NAALADL2: variants seen among roughly 807,000 people sequenced by gnomAD.
NAALADL2 encodes the protein inactive N-acetylated-alpha-linked acidic dipeptidase-like protein 2.
NAALADL2 carries 76 observed loss-of-function variants against 87.2 expected under a neutral mutation model. That is an observed-to-expected ratio of 0.87 (90% confidence interval 0.72 to 1.05). The LOEUF (loss-of-function observed/expected upper bound fraction) is 1.05. Ranked by LOEUF, NAALADL2 falls within the 50% of genes least tolerant of loss-of-function variation. The pLI is 0.00. For missense variants in NAALADL2, 1,089 were observed against 945.8 expected (o/e 1.15, Z -1.99); for synonymous variants, 354 against 331.0 (o/e 1.07, Z -0.75).
rs911461985 is a variant in NAALADL2, at chr3:175,054,143, C to A, written c.44-42647C>A. Reference sequence around the variant, plus strand: ...ATAGGCATATTAAAAGCAGCCAATACCTCAATTACAGCTACAAGCTCCGCT... The same window carrying A: ...ATAGGCATATTAAAAGCAGCCAATAACTCAATTACAGCTACAAGCTCCGCT... On this transcript the variant is annotated intron_variant, in intron 1 of 13. Transcript: ENST00000454872. Among the ~76,000 whole-genome samples the A allele has an allele frequency of 2.6e-5, 4 of 152,328 alleles. No individual in the cohort carries two copies. In the South Asian group the frequency reaches 6.2e-4, roughly 24 times the overall value.
chr3:175,129,572 G>T (rs1267310161), intron 2 of NAALADL2, among the ~76,000 whole-genome samples: 1 of 152,114 alleles, frequency 6.6e-6, no homozygotes, highest in Non-Finnish European at 1.5e-5. Flanking sequence ...GTCTGTGTTT[G>T]AGTTATTTCA....
At chr3:174,819,058 CTTTTTTTTTTTTTTTTT>C (rs3040106) in intron 3 of NAALADL2, among the ~76,000 whole-genome samples, 3 of 47,536 alleles carry the variant, frequency 6.3e-5, no homozygotes, top group African/African-American at 2.4e-4. Flanking sequence ...ACCATTTATT[CTTTTTTTTTTTTTTTTT>C]TTTTTTTTTT....
In NAALADL2 at chr3:175,132,019, G is replaced by T. The variant is rs1303359894; in HGVS notation, c.545+34728G>T. ...GGACTGACCCCCCCACCTCCCTCCC[G>T]GACGGGGCGGCTGGCCAGGCAGAGG... On this transcript the variant is annotated intron_variant, in intron 2 of 13. Coordinates refer to ENST00000454872, the MANE Select transcript of NAALADL2 (RefSeq NM_207015.3). Among the ~76,000 whole-genome samples, 5 of 121,870 alleles carry T rather than the reference G, an allele frequency of 4.1e-5. 1 individual carries two copies. The highest frequency in any genetic ancestry group is 8.8e-5 in the Non-Finnish European group (5 of 56,918). The allele number at this position is 121,870 out of a possible 152,430, so 80.0% of individuals were successfully genotyped here.
chr3:175,036,069 C>A (rs1263123342), intron 1 of NAALADL2, among the ~76,000 whole-genome samples: 2 of 152,038 alleles, frequency 1.3e-5, no homozygotes, highest in African/African-American at 2.4e-5. Flanking sequence ...ATTTGGAAAG[C>A]GTAATTTATT....
chr3:174,955,335 G>A (rs921054388), intron 1 of NAALADL2, among the ~76,000 whole-genome samples: 17 of 152,078 alleles, frequency 1.1e-4, no homozygotes, highest in African/African-American at 4.1e-4. Flanking sequence ...TAAGTTCAGA[G>A]AAGTTTCACA....
chr3:175,101,259 C>T (rs934444803), intron 2 of NAALADL2, among the ~76,000 whole-genome samples: 20 of 152,136 alleles, frequency 1.3e-4, no homozygotes, highest in Admixed American at 1.3e-3. Flanking sequence ...CTATATTCTC[C>T]AATACACTAT....
intron 1 of NAALADL2, among the ~76,000 whole-genome samples, chr3:175,042,416 G>A (rs1470532532): frequency 6.6e-6 from 1 of 152,066 alleles, no homozygotes; most frequent in Non-Finnish European, 1.5e-5. Flanking sequence ...TGAAAGTAAA[G>A]ATGTCTCTTT....
chr3:175,013,125 T>TAA (rs1365594836), intron 1 of NAALADL2, among the ~76,000 whole-genome samples: 1 of 84,198 alleles, frequency 1.2e-5, no homozygotes, highest in Non-Finnish European at 2.2e-5. Flanking sequence ...TAAATATACA[T>TAA]ATTTATATAT....
rs148405921 is a variant in NAALADL2, at chr3:175,076,203, A to G, written c.44-20587A>G. On this transcript the variant is annotated intron_variant, in intron 1 of 13. Transcript: ENST00000454872. ...AGATTGCGCCACTGCACTCCATCCC[A>G]GGTGACAGGTGACAGGGACTGTCTC... Among the ~76,000 whole-genome samples the G allele has an allele frequency of 8.6e-3, 1,302 of 152,224 alleles. 16 individuals carry two copies. Among genetic ancestry groups the G allele is most frequent in the African/African-American group, 0.03 (1,244 of 41,542 alleles).
chr3:174,845,624 A>G (rs1257158166), intron 3 of NAALADL2, among the ~76,000 whole-genome samples: 1 of 152,180 alleles, frequency 6.6e-6, no homozygotes, highest in Non-Finnish European at 1.5e-5. Context: ...TCAGGCCAGG[A>G]AGTTAAGTGG....
chr3:175,690,168 A>T (rs897276020), intron 11 of NAALADL2, among the ~76,000 whole-genome samples: 1 of 152,000 alleles, frequency 6.6e-6, no homozygotes, highest in Non-Finnish European at 1.5e-5. Context: ...ATTTCCTTCT[A>T]TGACTTGTGG....
intron 1 of NAALADL2, among the ~76,000 whole-genome samples, chr3:174,468,589 C>T (rs1163221705): frequency 6.6e-6 from 1 of 151,480 alleles, no homozygotes; most frequent in East Asian, 1.9e-4. Flanking sequence ...CCATTTTGGC[C>T]AGGCTGATCT....
chr3:174,751,546 C>T (rs925385085), intron 3 of NAALADL2, among the ~76,000 whole-genome samples: 1 of 151,528 alleles, frequency 6.6e-6, no homozygotes, highest in African/African-American at 2.4e-5. Context: ...GCCTGTAATC[C>T]CAGCGACTCG....
In NAALADL2 at chr3:175,234,050, A is replaced by G. The variant is rs772964026; in HGVS notation, c.665A>G (p.Asp222Gly). The change falls in exon 3 of 14, where the codon GAT becomes GGT. Residue 222 changes from aspartate (D) to glycine (G), a missense_variant. By Grantham distance (94) the Asp-to-Gly change is moderately conservative (BLOSUM62 -1). Coordinates refer to ENST00000454872, the MANE Select transcript of NAALADL2 (RefSeq NM_207015.3). ...TTTGTAAATTACTCTGTGCTGCTTGATCTGCCAGGCCCTTCTCCCAGCACT... is the reference window on the plus strand; with the variant it reads ...TTTGTAAATTACTCTGTGCTGCTTGGTCTGCCAGGCCCTTCTCCCAGCACT... ...VQFVNYSVLLDLPGPSPSTVT... is the reference protein window; with the variant it reads ...VQFVNYSVLLGLPGPSPSTVT... 6.2e-7 allele frequency: 1 copy of G among 1,613,912 alleles called. No homozygotes were observed. The highest frequency in any genetic ancestry group is 1.1e-5 in the South Asian group (1 of 91,088).
Position 175,523,499 on chromosome 3 carries a change from C to G in NAALADL2, c.1653+51741C>G, listed in dbSNP as rs78821437. Among the ~76,000 whole-genome samples, 1,293 of 152,274 alleles carry G rather than the reference C, an allele frequency of 8.5e-3. 10 individuals carry two copies. The highest frequency in any genetic ancestry group is 0.015 in the Non-Finnish European group (1,014 of 68,012). ...TCCACCCAAAATTAAGACACATAAA[C>G]AGTGTTATAAATAAAGTTTTGGTGC... On this transcript the variant is annotated intron_variant, in intron 9 of 13. Transcript: ENST00000454872.
At position 174,755,834 on chromosome 3, in the gene NAALADL2, C is replaced by T. The variant is rs1216632872; in HGVS notation, c.-9+18088C>T. On this transcript the variant is annotated intron_variant, in intron 3 of 3. Transcript: ENST00000434257. ...AAAATATCTACTTCTCCATAGTTATCTTTTAATGTCTATGATTTCACTTGC... is the reference window on the plus strand; with the variant it reads ...AAAATATCTACTTCTCCATAGTTATTTTTTAATGTCTATGATTTCACTTGC... 2.6e-5 allele frequency among the ~76,000 whole-genome samples: 4 copies of T among 152,316 alleles called. No homozygotes were observed. The East Asian group carries it at 7.7e-4, about 29-fold the overall frequency.
chr3:174,804,787 T>C (rs1476375926), intron 3 of NAALADL2, among the ~76,000 whole-genome samples: 2 of 152,152 alleles, frequency 1.3e-5, no homozygotes, highest in African/African-American at 2.4e-5. Flanking sequence ...TTCTAAAATA[T>C]TCCTGCTACC....
chr3:174,926,203 C>T (rs559013355), intron 1 of NAALADL2, among the ~76,000 whole-genome samples: 1 of 152,102 alleles, frequency 6.6e-6, no homozygotes, highest in Non-Finnish European at 1.5e-5. Context: ...AAATATGGGA[C>T]TATGTGAAAA....
intron 2 of NAALADL2, among the ~76,000 whole-genome samples, chr3:174,633,913 T>TCTA (rs1722390621): frequency 6.6e-6 from 1 of 152,228 alleles, no homozygotes; most frequent in African/African-American, 2.4e-5. Context: ...TGCATTTGAC[T>TCTA]CTACTAACCA....
Sources: gnomAD v4.1 joint callset for allele counts (sites outside exome capture counted in the v4.1 genomes callset) on GRCh38, gnomAD v4.1.1 for gene constraint, MANE v1.5 for transcripts, NCBI Gene and HGNC (gene_info 2026-07-23, HGNC 2026-07-21) for gene names.